TJP1: variants seen among roughly 807,000 people sequenced by gnomAD.
TJP1 encodes the protein tight junction protein 1.
In TJP1, 43 loss-of-function variants were observed where a neutral mutation model predicts 194.2. The observed-to-expected ratio is 0.22, with a 90% confidence interval of 0.17 to 0.29. TJP1 has a LOEUF of 0.29. Ranked by LOEUF, TJP1 falls within the 10% of genes least tolerant of loss-of-function variation. The probability of loss-of-function intolerance (pLI) is 1.00; values close to 1 mark genes in which losing one functional copy is unlikely to be tolerated. For missense variants in TJP1, 1,971 were observed against 2,185.7 expected (o/e 0.90, Z 1.96); for synonymous variants, 801 against 779.0 (o/e 1.03, Z -0.47).
In TJP1 at chr15:29,705,710, CCATCTT is replaced by C; in HGVS notation, c.4880_4885del (p.Glu1627_Asp1628del). The C allele has an allele frequency of 6.2e-7, 1 of 1,614,118 alleles. No homozygotes were observed. ...TCGGGCTGTGGCCACCACAGTATGACCATCTTCATCTTCATCCTCTTCCACAGCTGA... is the reference window on the plus strand; with the variant it reads ...TCGGGCTGTGGCCACCACAGTATGACCATCTTCATCCTCTTCCACAGCTGA... On this transcript the variant is annotated inframe_deletion, in exon 26 of 28. Transcript: ENST00000614355.
chr15:29,778,088 G>A (rs941140841), intron 2 of TJP1, among the ~76,000 whole-genome samples: 8 of 152,122 alleles, frequency 5.3e-5, no homozygotes. Flanking sequence ...AGGCAGGGAT[G>A]CGAGCATACA....
chr15:29,706,968 T>C (rs2041938440), intron 25 of TJP1, among the ~76,000 whole-genome samples: 1 of 152,134 alleles, frequency 6.6e-6, no homozygotes, highest in South Asian at 2.1e-4. Flanking sequence ...CTTCCATTTT[T>C]AGTGACACAA....
At chr15:29,711,097 A>C (rs2042216918) in intron 23 of TJP1, 97 bp from the exon 24 acceptor site, 2 of 1,399,454 alleles carry the variant, frequency 1.4e-6, no homozygotes, top group Non-Finnish European at 1.9e-6. Context: ...TAAAAAAAAA[A>C]ACTAGAAATT....
intron 8 of TJP1, among the ~76,000 whole-genome samples, chr15:29,747,891 C>T (rs916801370): frequency 1.3e-5 from 2 of 152,128 alleles, no homozygotes; most frequent in Admixed American, 6.5e-5. Context: ...CCTTTTTGTC[C>T]TGTGATACAA....
intron 2 of TJP1, among the ~76,000 whole-genome samples, chr15:29,916,572 T>A (rs1435127400): frequency 6.6e-6 from 1 of 152,178 alleles, no homozygotes; most frequent in African/African-American, 2.4e-5. Flanking sequence ...CAGAGCTTCA[T>A]GAATTTTAAA....
At chr15:29,947,528 A>G (rs1281126663) in intron 2 of TJP1, among the ~76,000 whole-genome samples, 1 of 152,122 alleles carries the variant, frequency 6.6e-6, no homozygotes, top group African/African-American at 2.4e-5. Flanking sequence ...GTTACCTACA[A>G]AGTACCCGTT....
At chr15:29,726,548 G>A (rs2043249683) in intron 17 of TJP1, 69 bp from the exon 18 acceptor site, 1 of 1,430,712 alleles carries the variant, frequency 7.0e-7, no homozygotes, top group Non-Finnish European at 9.8e-7. Flanking sequence ...ATTCAACCCT[G>A]CTTACAGCTA....
rs548486049 is a variant in TJP1 at position 29,834,508 on chromosome 15, G to A, written c.307-33806C>T. Among the ~76,000 whole-genome samples, 20 of 152,336 alleles carry A rather than the reference G, an allele frequency of 1.3e-4. No homozygotes were observed. The South Asian group carries it at 3.5e-3, about 27-fold the overall frequency. On this transcript the variant is annotated intron_variant, in intron 2 of 28. Coordinates refer to the TJP1 transcript ENST00000356107. ...GCTGGGATTACAGGCATGAGCCACC[G>A]CACAGCCGGCCTGAGATGTTTTATA...
intron 10 of TJP1, 68 bp from the exon 11 acceptor site, chr15:29,737,482 T>G (rs1408449224): frequency 1.3e-6 from 2 of 1,535,588 alleles, no homozygotes; most frequent in Non-Finnish European, 1.8e-6. Context: ...ATCACTACAG[T>G]GAAAACTATA....
At chr15:29,742,868 A>G in intron 8 of TJP1, 87 bp from the exon 9 acceptor site, 1 of 1,216,126 alleles carries the variant, frequency 8.2e-7, no homozygotes, top group Non-Finnish European at 1.1e-6. Flanking sequence ...GAGGCAATGC[A>G]ACTTCAAAAA....
At chr15:29,887,520 T>C (rs143614103) in intron 2 of TJP1, among the ~76,000 whole-genome samples, 328 of 151,944 alleles carry the variant, frequency 2.2e-3, no homozygotes, top group African/African-American at 7.6e-3. Flanking sequence ...AGGCTGGTCT[T>C]GAACTCCTGA....
At chr15:29,944,818 T>C (rs2055218525) in intron 2 of TJP1, among the ~76,000 whole-genome samples, 1 of 152,240 alleles carries the variant, frequency 6.6e-6, no homozygotes, top group Admixed American at 6.5e-5. Flanking sequence ...GATCAAAGTC[T>C]GAAGATTTTA....
chr15:29,901,689 C>T (rs934096280), intron 2 of TJP1, among the ~76,000 whole-genome samples: 10 of 152,068 alleles, frequency 6.6e-5, no homozygotes, highest in East Asian at 1.9e-4. Flanking sequence ...AGCTTGGTGG[C>T]GGGCGCCTGT....
intron 8 of TJP1, among the ~76,000 whole-genome samples, chr15:29,755,346 T>C (rs2045576591): frequency 6.6e-6 from 1 of 152,216 alleles, no homozygotes; most frequent in Admixed American, 6.5e-5. Flanking sequence ...TCTACCTGCA[T>C]GTTTATTTGG....
intron 2 of TJP1, among the ~76,000 whole-genome samples, chr15:29,847,546 G>C (rs1226543278): frequency 2.6e-5 from 4 of 152,104 alleles, no homozygotes; most frequent in Admixed American, 2.0e-4. Context: ...AGCACTTTGC[G>C]AGGCTGAGGT....
At chr15:29,783,524 A>G (rs1404974902) in intron 2 of TJP1, among the ~76,000 whole-genome samples, 1 of 152,226 alleles carries the variant, frequency 6.6e-6, no homozygotes, top group African/African-American at 2.4e-5. Context: ...ACATGCACGT[A>G]TATGTTCACT....
intron 2 of TJP1, among the ~76,000 whole-genome samples, chr15:29,929,957 T>C (rs1377685017): frequency 1.3e-5 from 2 of 152,054 alleles, no homozygotes; most frequent in East Asian, 3.9e-4. Context: ...ATGAACAACT[T>C]TATGCAATAC....
intron 2 of TJP1, among the ~76,000 whole-genome samples, chr15:29,949,462 C>CACCACCACCACCTCCACA (rs1458641778): frequency 3.1e-5 from 4 of 129,504 alleles, no homozygotes; most frequent in Non-Finnish European, 6.6e-5. Context: ...CCACCACTTC[C>CACCACCACCACCTCCACA]ACCACCACCA....
intron 2 of TJP1, among the ~76,000 whole-genome samples, chr15:29,888,794 A>T (rs1394737120): frequency 2.0e-5 from 3 of 152,132 alleles, no homozygotes; most frequent in Non-Finnish European, 4.4e-5. Context: ...CTGCTATTAG[A>T]ATGACCCCAG....
Sources: allele counts gnomAD v4.1 joint callset (sites outside exome capture counted in the v4.1 genomes callset), GRCh38; gene constraint gnomAD v4.1.1; transcripts MANE v1.5; gene names NCBI Gene and HGNC (gene_info 2026-07-23, HGNC 2026-07-21).